Variants in PRDM15 observed in about 807,000 individuals in gnomAD.
PRDM15 encodes PR/SET domain 15, also known as PR domain zinc finger protein 15.
Under a neutral mutation model 128.6 loss-of-function variants are expected in PRDM15, and 64 were observed. That is an observed-to-expected ratio of 0.50 (90% confidence interval 0.41 to 0.61). The LOEUF (loss-of-function observed/expected upper bound fraction) is 0.61, where lower values mean the gene tolerates loss of function less well. Among genes scored for constraint, PRDM15 ranks in the 20% least tolerant of loss-of-function variants. The pLI is 0.00. For synonymous variants in PRDM15, 615 were observed against 621.8 expected (o/e 0.99, Z 0.16); for missense variants, 1,242 against 1,569.1 (o/e 0.79, Z 3.52).
At chr21:41,867,479 C>T in intron 1 of PRDM15, 1 of 922,388 alleles carries the variant, frequency 1.1e-6, no homozygotes, top group Non-Finnish European at 1.7e-6. Context: ...GTTGCCCAGG[C>T]TGGAGCGCAG....
rs1170686351 is a variant in PRDM15 at position 41,822,093 on chromosome 21, T to C, written c.1762-56A>G. 1.9e-6 allele frequency: 3 copies of C among 1,607,604 alleles called. No homozygotes were observed. The African/African-American group carries it at 4.0e-5, about 21-fold the overall frequency. ...ACAGCGCAGCAGACGCTTCACTCAG[T>C]TATCTACACCGCAGGGACGACCAAT... On this transcript the variant is annotated intron_variant, in intron 14 of 23. Transcript: ENST00000398548.
At chr21:41,806,430 C>CCACCACCACCAT (rs2061638263) in intron 21 of PRDM15, among the ~76,000 whole-genome samples, 1 of 61,906 alleles carries the variant, frequency 1.6e-5, no homozygotes, top group African/African-American at 6.4e-5. Flanking sequence ...ACCACCATCA[C>CCACCACCACCAT]CACCACCACC....
intron 1 of PRDM15, among the ~76,000 whole-genome samples, chr21:41,875,607 C>T (rs1210632794): frequency 3.9e-5 from 6 of 152,336 alleles, no homozygotes; most frequent in Non-Finnish European, 5.9e-5. Flanking sequence ...CTATTTACAA[C>T]GCACACGAAC....
intron 6 of PRDM15, among the ~76,000 whole-genome samples, chr21:41,844,658 AC>A (rs1346754284): frequency 5.3e-5 from 3 of 56,720 alleles, no homozygotes; most frequent in African/African-American, 2.2e-4. Context: ...ACACACATAC[AC>A]AGTCCCTCCC....
intron 1 of PRDM15, among the ~76,000 whole-genome samples, chr21:41,863,021 T>C (rs2063875129): frequency 6.6e-6 from 1 of 151,692 alleles, no homozygotes; most frequent in Non-Finnish European, 1.5e-5. Context: ...ATACAAAAAC[T>C]AGCCAGGCGC....
intron 17 of PRDM15, 22 bp downstream of exon 17, chr21:41,820,073 C>G: frequency 6.2e-7 from 1 of 1,610,598 alleles, no homozygotes; most frequent in Non-Finnish European, 8.5e-7. Flanking sequence ...GGCCGGGACC[C>G]CAAATGCTGA....
intron 21 of PRDM15, 65 bp from the exon 22 acceptor site, chr21:41,804,679 G>A: frequency 1.6e-6 from 2 of 1,283,154 alleles, no homozygotes; most frequent in South Asian, 1.5e-5. Context: ...GAACCCAGAA[G>A]CCACACACGC....
intron 6 of PRDM15, among the ~76,000 whole-genome samples, chr21:41,844,411 A>G (rs2063166332): frequency 8.1e-6 from 1 of 123,576 alleles, no homozygotes; most frequent in African/African-American, 3.2e-5. Context: ...CCCCCCTCAC[A>G]GGGACACACA....
Position 41,801,435 on chromosome 21 carries a change from A to G in PRDM15, c.3231T>C (p.His1077=), listed in dbSNP as rs145764491. Residue 1077 remains histidine (H), a synonymous_variant, in exon 24 of 24, where the codon CAT becomes CAC. Coordinates refer to ENST00000398548, the MANE Select transcript of PRDM15 (RefSeq NM_001040424.3). ...PEASNPQSVA[H]FINLTTLVNS... ...TGACCAGGGTCGTCAGGTTGATGAAATGGGCCACAGACTGTGGGTTCGAGG... is the reference window on the plus strand; with the variant it reads ...TGACCAGGGTCGTCAGGTTGATGAAGTGGGCCACAGACTGTGGGTTCGAGG... 152 of 1,614,128 alleles carry G rather than the reference A, an allele frequency of 9.4e-5. No homozygotes were observed. The African/African-American group carries it at 1.6e-3, about 17-fold the overall frequency.
intron 12 of PRDM15, among the ~76,000 whole-genome samples, chr21:41,826,374 G>C (rs1279459724): frequency 6.6e-6 from 1 of 152,216 alleles, no homozygotes; most frequent in Non-Finnish European, 1.5e-5. Context: ...GCAGAGCTAT[G>C]ATGAGCTCCT....
chr21:41,854,677 T>C lies in PRDM15; in HGVS notation c.427A>G (p.Thr143Ala), dbSNP rs1158714916. 6.2e-7 allele frequency: 1 copy of C among 1,613,622 alleles called. No individual in the cohort carries two copies. The highest frequency in any genetic ancestry group is 8.5e-7 in the Non-Finnish European group (1 of 1,179,978). ...CCCGGGGGGATGTCTCTGGAGGTGG[T>C]GAAGTACACGTCGCTGCCGTGCTGG... ...AYQHGSDVYF[T>A]TSRDIPPGTE... Residue 143 changes from threonine (T) to alanine (A), a missense_variant, in exon 5 of 24, where the codon ACC becomes GCC. Transcript: ENST00000398548. The surrounding 1 kb of genome is among the most constrained non-coding windows in gnomAD (Gnocchi z 4.6).
intron 5 of PRDM15, among the ~76,000 whole-genome samples, chr21:41,850,313 A>ACACTCTCCTCCTTGTGCCCCCCCC (rs760550562): frequency 2.1e-5 from 3 of 142,076 alleles, no homozygotes; most frequent in Non-Finnish European, 3.1e-5. Context: ...GTGCCCCCCC[A>ACACTCTCCTCCTTGTGCCCCCCCC]ACACTCTCCT....
intron 11 of PRDM15, among the ~76,000 whole-genome samples, chr21:41,831,184 T>C (rs1250473892): frequency 6.6e-6 from 1 of 152,206 alleles, no homozygotes; most frequent in Non-Finnish European, 1.5e-5. Context: ...AAGCTGCCAT[T>C]TGTGCAAAGC....
At chr21:41,804,137 T>C (rs1190174437) in intron 22 of PRDM15, among the ~76,000 whole-genome samples, 1 of 152,166 alleles carries the variant, frequency 6.6e-6, no homozygotes. Context: ...CTAATTTTTG[T>C]ACTTTTAGTA....
chr21:41,878,645 C>A, intron 1 of PRDM15: 1 of 1,214,946 alleles, frequency 8.2e-7, no homozygotes, highest in Non-Finnish European at 1.1e-6. Flanking sequence ...CTCTCTGCCA[C>A]CAAAAGGCTT....
chr21:41,871,797 T>A (rs2064222265), intron 1 of PRDM15: 2 of 634,570 alleles, frequency 3.2e-6, no homozygotes, highest in Non-Finnish European at 5.2e-6. Flanking sequence ...TTTCATCACC[T>A]CTCCAGCACC....
chr21:41,828,598 G>C lies in PRDM15; in HGVS notation c.1367-265C>G, dbSNP rs1444311138. Among the ~76,000 whole-genome samples the C allele has an allele frequency of 6.6e-6, 1 of 151,436 alleles. No individual in the cohort carries two copies. The highest frequency in any genetic ancestry group is 1.5e-5 in the Non-Finnish European group (1 of 67,830). ...AGCAACGCCAGCCGCCTCCCTCCCG[G>C]GCCACCCTGCCCCACAGCACCTGGG... is the stretch of plus-strand genomic sequence containing the variant. On this transcript the variant is annotated intron_variant, in intron 11 of 23. Coordinates refer to ENST00000398548, the MANE Select transcript of PRDM15 (RefSeq NM_001040424.3). This position sits in a 1 kb window ranked among gnomAD's most constrained non-coding sequence, Gnocchi z 5.7.
chr21:41,844,005 G>A (rs963104547), intron 6 of PRDM15, among the ~76,000 whole-genome samples: 1 of 151,140 alleles, frequency 6.6e-6, no homozygotes, highest in African/African-American at 2.4e-5. Context: ...GAGCACTGGT[G>A]GTTTGGTTTG....
At chr21:41,841,175 A>G (rs1188147281) in intron 6 of PRDM15, among the ~76,000 whole-genome samples, 1 of 152,210 alleles carries the variant, frequency 6.6e-6, no homozygotes, top group Non-Finnish European at 1.5e-5. Flanking sequence ...CAAGATCTGT[A>G]ACAGGGAAAA....
Sources: allele counts gnomAD v4.1 joint callset (sites outside exome capture counted in the v4.1 genomes callset), GRCh38; gene constraint gnomAD v4.1.1; non-coding constraint Gnocchi (gnomAD v3.1); transcripts MANE v1.5; gene names NCBI Gene and HGNC (gene_info 2026-07-23, HGNC 2026-07-21).